Variants in OR51G2 observed in about 807,000 individuals in gnomAD.
OR51G2 encodes the protein olfactory receptor 51G2.
OR51G2 carries 13 observed loss-of-function variants against 11.8 expected under a neutral mutation model. The observed-to-expected ratio is 1.10, with a 90% CI of 0.72 to 1.76. OR51G2 has a LOEUF of 1.76. Ranked by LOEUF, OR51G2 falls within the 40% of genes most tolerant of loss-of-function variation. The probability of loss-of-function intolerance (pLI) is 0.00; values close to 1 mark genes in which losing one functional copy is unlikely to be tolerated. For synonymous variants in OR51G2, 178 were observed against 151.9 expected, an observed-to-expected ratio of 1.17 and a Z score of -1.26; for missense variants, 474 against 394.4, an observed-to-expected ratio of 1.20 and a Z score of -1.71.
Position 4,914,839 on chromosome 11 carries a change from G to T in OR51G2, c.825C>A (p.His275Gln). The T allele has an allele frequency of 6.2e-7, 1 of 1,614,078 alleles. No homozygotes were observed. Among genetic ancestry groups the T allele is most frequent in the Non-Finnish European group, 8.5e-7 (1 of 1,179,992 alleles). Residue 275 changes from histidine (H) to glutamine (Q), a missense_variant, in exon 2 of 2, where the codon CAC becomes CAA. His to Gln is a conservative substitution (Grantham distance 24, BLOSUM62 0). Transcript: ENST00000641926. The part of the protein sequence containing the change: ...VIHRFGKQAP[H>Q]LVQVVMGFMY... Reference sequence around the variant, plus strand: ...TGAAACCCATGACCACCTGGACCAGGTGGGGTGCCTGCTTTCCAAAGCGAT... The same window carrying T: ...TGAAACCCATGACCACCTGGACCAGTTGGGGTGCCTGCTTTCCAAAGCGAT...
Position 4,915,150 on chromosome 11 carries a change from G to A in OR51G2, c.514C>T (p.Pro172Ser). The A allele has an allele frequency of 3.1e-6, 5 of 1,614,034 alleles. No individual in the cohort carries two copies. Among genetic ancestry groups the A allele is most frequent in the Non-Finnish European group, 2.5e-6 (3 of 1,180,004 alleles). ...GAGAGAACTGGGGAGCCACAATAGG[G>A]GAATCTTTTGAGCATAAAAGGTAAT... Reference protein sequence around the residue: ...FPLPFMLKRFPYCGSPVLSHS... With the variant: ...FPLPFMLKRFSYCGSPVLSHS... The change falls in exon 2 of 2, where the codon CCC (proline) becomes TCC (serine). Residue 172 changes from proline (P) to serine (S), a missense_variant. By Grantham distance (74) the Pro-to-Ser change is moderately conservative. Coordinates refer to ENST00000641926, the MANE Select transcript of OR51G2 (RefSeq NM_001005238.2).
At chr11:4,917,421 C>T (rs1000248173) in intron 1 of OR51G2, among the ~76,000 whole-genome samples, 2 of 152,180 alleles carry the variant, frequency 1.3e-5, no homozygotes, top group South Asian at 4.1e-4. Context: ...AATTCAGTGT[C>T]AAGTGGCAGA....
At position 4,915,638 on chromosome 11, in the gene OR51G2, C is replaced by A; in HGVS notation, c.26G>T (p.Ser9Ile). ...GAAGGTAGCAGAAACGCTGCTGCTG[C>A]TGTTTCCCAGGGATCCCAGGGTCAT... MTLGSLGN[S>I]SSSVSATFLL... is the part of the protein sequence containing the mutation. Residue 9 changes from serine (S) to isoleucine (I), a missense_variant, in exon 2 of 2, where the codon AGC becomes ATC. Physicochemically the swap from Ser to Ile is moderately radical, Grantham distance 142 (BLOSUM62 -2). Transcript: ENST00000641926. 1 of 1,612,976 alleles carries A rather than the reference C, an allele frequency of 6.2e-7. No homozygotes were observed. The highest frequency in any genetic ancestry group is 1.1e-5 in the South Asian group (1 of 90,962).
At position 4,914,720 on chromosome 11, in the gene OR51G2, T is replaced by C. The variant is rs1427661758; in HGVS notation, c.944A>G (p.Ter315=). 2.5e-6 allele frequency: 4 copies of C among 1,605,098 alleles called. No homozygotes were observed. In the South Asian group the frequency reaches 4.4e-5, roughly 18 times the overall value. Residue 315 remains the stop codon, a stop_retained_variant, in exon 2 of 2, where the codon TAA becomes TGA. Coordinates refer to ENST00000641926, the MANE Select transcript of OR51G2 (RefSeq NM_001005238.2). The part of the protein sequence containing the change: ...RDRVTHAFCY[*] ...CAGTGGCTCTAACACTAGACACAGT[T>C]AGTAACAAAAGGCATGCGTCACTCG...
intron 1 of OR51G2, among the ~76,000 whole-genome samples, chr11:4,918,448 A>G (rs976161467): frequency 6.6e-6 from 1 of 152,184 alleles, no homozygotes; most frequent in East Asian, 1.9e-4. Flanking sequence ...GGAATCAGAG[A>G]GAATAATGAG....
At position 4,914,572 on chromosome 11, in the gene OR51G2, T is replaced by A; in HGVS notation, c.*147A>T. 1.6e-6 allele frequency: 1 copy of A among 606,148 alleles called. No homozygotes were observed. Among genetic ancestry groups the A allele is most frequent in the South Asian group, 2.3e-5 (1 of 43,060 alleles). The allele number at this position is 606,148 out of a possible 1,614,324, so 37.5% of individuals were successfully genotyped here. A position where few individuals can be genotyped will look rare whatever the true frequency, so the allele number is the denominator to read the frequency against. On this transcript the variant is annotated 3_prime_UTR_variant, in exon 2 of 2. Coordinates refer to ENST00000641926, the MANE Select transcript of OR51G2 (RefSeq NM_001005238.2). ...CCCCCCTGCCCTGGCCACAACAGAGTGAGGGTTCTGTAAGGACTGTAACTC... is the reference window on the plus strand; with the variant it reads ...CCCCCCTGCCCTGGCCACAACAGAGAGAGGGTTCTGTAAGGACTGTAACTC...
intron 1 of OR51G2, among the ~76,000 whole-genome samples, chr11:4,917,128 A>G (rs548512049): frequency 1.4e-4 from 20 of 147,514 alleles, no homozygotes; most frequent in African/African-American, 4.5e-4. Flanking sequence ...AACATGCCCC[A>G]GTACGCAGCA....
chr11:4,915,763 AT>A, intron 1 of OR51G2, 24 bp from the exon 2 acceptor site: 1 of 698,590 alleles, frequency 1.4e-6, no homozygotes, highest in Non-Finnish European at 2.4e-6. Context: ...AAGAAAAAAA[AT>A]AGAATCAAAT....
intron 1 of OR51G2, among the ~76,000 whole-genome samples, 157 bp from the exon 2 acceptor site, chr11:4,915,896 G>C (rs113119333): frequency 1.3e-5 from 2 of 152,318 alleles, no homozygotes; most frequent in African/African-American, 4.8e-5. Flanking sequence ...ATGGAATTGT[G>C]AAGTGATGAG....
rs1466591062 is a variant in OR51G2, at chr11:4,914,753, A to G, written c.911T>C (p.Ile304Thr). The G allele has an allele frequency of 6.2e-7, 1 of 1,613,442 alleles. No homozygotes were observed. The highest frequency in any genetic ancestry group is 1.7e-5 in the Admixed American group (1 of 59,988). ...AAAGGCATGCGTCACTCGATCCCGG[A>G]TCTGTTTGGTCTTCACACTGTAGAC... ...PIVYSVKTKQ[I>T]RDRVTHAFCY is the part of the protein sequence containing the mutation. Residue 304 changes from isoleucine to threonine, a missense_variant, in exon 2 of 2, where the codon ATC becomes ACC. Physicochemically the swap from Ile to Thr is moderately conservative, Grantham distance 89 (BLOSUM62 -1). Coordinates refer to ENST00000641926, the MANE Select transcript of OR51G2 (RefSeq NM_001005238.2).
chr11:4,912,955 A>G lies in OR51G2; in HGVS notation c.*1764T>C, dbSNP rs530853442. On this transcript the variant is annotated 3_prime_UTR_variant, in exon 2 of 2. Coordinates refer to ENST00000641926, the MANE Select transcript of OR51G2 (RefSeq NM_001005238.2). ...ACTCTTTCAAATTGGAAAAGAAAAA[A>G]AAAACAAGCTGTAACTATTCAAATT... is the stretch of plus-strand genomic sequence containing the variant. The G allele has an allele frequency of 6.7e-6, 1 of 148,970 alleles. No individual in the cohort carries two copies. Among genetic ancestry groups the G allele is most frequent in the East Asian group, 2.7e-4 (1 of 3,726 alleles). 9.2% of individuals were successfully genotyped at this position (148,970 alleles called of 1,614,324 possible). A position where few individuals can be genotyped will look rare whatever the true frequency, so the allele number is the denominator to read the frequency against.
Position 4,915,582 on chromosome 11 carries a change from T to C in OR51G2, c.82A>G (p.Met28Val), listed in dbSNP as rs965481091. 7 of 1,613,928 alleles carry C rather than the reference T, an allele frequency of 4.3e-6. No homozygotes were observed. The African/African-American group carries it at 9.3e-5, about 22-fold the overall frequency. ...AGTGGGATGGAGATCCAGATGTGCA[T>C]GCGCTCCAGCCCAGGGATGCCACTC... Reference protein sequence around the residue: ...LLSGIPGLERMHIWISIPLCF... With the variant: ...LLSGIPGLERVHIWISIPLCF... The change falls in exon 2 of 2, where the codon ATG becomes GTG. Residue 28 changes from methionine (M) to valine (V), a missense_variant. By Grantham distance (21) the Met-to-Val change is conservative. Coordinates refer to ENST00000641926, the MANE Select transcript of OR51G2 (RefSeq NM_001005238.2).
intron 1 of OR51G2, among the ~76,000 whole-genome samples, chr11:4,918,195 G>T (rs1051959278): frequency 2.0e-5 from 3 of 152,062 alleles, no homozygotes; most frequent in African/African-American, 7.2e-5. Context: ...CAGTGCCGGA[G>T]CTGGAATTCA....
intron 1 of OR51G2, among the ~76,000 whole-genome samples, chr11:4,918,285 G>A (rs1851128884): frequency 6.6e-6 from 1 of 152,074 alleles, no homozygotes. Context: ...AATTATTTAA[G>A]TTAAGGCAGC....
Position 4,915,210 on chromosome 11 carries a change from C to G in OR51G2, c.454G>C (p.Val152Leu). Reference sequence around the variant, plus strand: ...AGTGCTACACTACGACCCAGAGAGACCAGGCCAATCCTGCCAATGACTGTG... The same window carrying G: ...AGTGCTACACTACGACCCAGAGAGAGCAGGCCAATCCTGCCAATGACTGTG... ...TNTVIGRIGLVSLGRSVALIF... is the reference protein window; with the variant it reads ...TNTVIGRIGLLSLGRSVALIF... Residue 152 changes from valine to leucine, a missense_variant, in exon 2 of 2, where the codon GTC becomes CTC. Physicochemically the swap from Val to Leu is conservative, Grantham distance 32 (BLOSUM62 1). Coordinates refer to ENST00000641926, the MANE Select transcript of OR51G2 (RefSeq NM_001005238.2). 2 of 1,613,952 alleles carry G rather than the reference C, an allele frequency of 1.2e-6. No individual in the cohort carries two copies. The highest frequency in any genetic ancestry group is 1.1e-5 in the South Asian group (1 of 91,064).
chr11:4,915,711 G>C lies in OR51G2; in HGVS notation c.-48C>G, dbSNP rs1248499901. 1 of 1,347,454 alleles carries C rather than the reference G, an allele frequency of 7.4e-7. No individual in the cohort carries two copies. The highest frequency in any genetic ancestry group is 2.3e-5 in the East Asian group (1 of 43,180). 83.5% of individuals were successfully genotyped at this position (1,347,454 alleles called of 1,614,324 possible). A position where few individuals can be genotyped will look rare whatever the true frequency, so the allele number is the denominator to read the frequency against. Reference sequence around the variant, plus strand: ...GGTGGGTGCCCTCCAAAATCCTGAAGTAAATTGAGGCAGTACTGGTGATTG... The same window carrying C: ...GGTGGGTGCCCTCCAAAATCCTGAACTAAATTGAGGCAGTACTGGTGATTG... On this transcript the variant is annotated 5_prime_UTR_variant, in exon 2 of 2. The change creates a premature stop within an existing upstream ORF in the 5' untranslated region. Transcript: ENST00000641926.
At chr11:4,916,520 T>C (rs755359230) in intron 1 of OR51G2, among the ~76,000 whole-genome samples, 7 of 152,154 alleles carry the variant, frequency 4.6e-5, no homozygotes, top group Non-Finnish European at 8.8e-5. Context: ...ATAGTTTTAG[T>C]TTTTTTCTTT....
Position 4,914,809 on chromosome 11 carries a change from A to G in OR51G2, c.855T>C (p.Tyr285=), listed in dbSNP as rs750672430. The G allele has an allele frequency of 1.2e-6, 2 of 1,613,988 alleles. No homozygotes were observed. Among genetic ancestry groups the G allele is most frequent in the Non-Finnish European group, 1.7e-6 (2 of 1,179,966 alleles). ...GATTCATCACAGGAGGAAAGAGAAG[A>G]TACATGAAACCCATGACCACCTGGA... ...HLVQVVMGFM[Y]LLFPPVMNPI... The change falls in exon 2 of 2, where the codon TAT becomes TAC. Residue 285 remains tyrosine (Y), a synonymous_variant. Coordinates refer to ENST00000641926, the MANE Select transcript of OR51G2 (RefSeq NM_001005238.2).
intron 1 of OR51G2, among the ~76,000 whole-genome samples, chr11:4,916,854 C>A (rs745407369): frequency 6.6e-6 from 1 of 152,186 alleles, no homozygotes; most frequent in Non-Finnish European, 1.5e-5. Flanking sequence ...AAAGCACCAT[C>A]AACCATGGCC....
Sources: gnomAD v4.1 joint callset for allele counts (sites outside exome capture counted in the v4.1 genomes callset) on GRCh38, gnomAD v4.1.1 for gene constraint, MANE v1.5 for transcripts, NCBI Gene and HGNC (gene_info 2026-07-23, HGNC 2026-07-21) for gene names.